The following PLCE1 variants were observed in gnomAD, a reference collection of about 807,000 sequenced individuals.
The protein encoded by PLCE1 is phospholipase C epsilon 1, also known as 1-phosphatidylinositol 4,5-bisphosphate phosphodiesterase epsilon-1.
Under a neutral mutation model 242.8 loss-of-function variants are expected in PLCE1, and 119 were observed. The observed-to-expected ratio is 0.49, with a 90% CI of 0.42 to 0.57. The LOEUF is 0.57. Ranked by LOEUF, PLCE1 falls within the 20% of genes least tolerant of loss-of-function variation. The pLI, the probability that PLCE1 is intolerant of heterozygous loss-of-function variation, is 0.00. For missense variants in PLCE1, 2,441 were observed against 2,788.8 expected, an observed-to-expected ratio of 0.88 and a Z score of 2.81; for synonymous variants, 945 against 1,017.4, an observed-to-expected ratio of 0.93 and a Z score of 1.35.
chr10:94,229,872 G>A (rs1312866186), intron 5 of PLCE1, among the ~76,000 whole-genome samples: 4 of 152,132 alleles, frequency 2.6e-5, no homozygotes, highest in Non-Finnish European at 5.9e-5. Flanking sequence ...ATAGATAGGC[G>A]AAAGTACCAC....
intron 4 of PLCE1, among the ~76,000 whole-genome samples, chr10:94,191,598 G>A (rs2048669344): frequency 6.6e-6 from 1 of 152,032 alleles, no homozygotes; most frequent in Non-Finnish European, 1.5e-5. Context: ...CTGAGTTCGT[G>A]CCACTGCATT....
intron 2 of PLCE1, among the ~76,000 whole-genome samples, chr10:94,093,464 C>A (rs1186007922): frequency 6.6e-6 from 1 of 152,114 alleles, no homozygotes; most frequent in Non-Finnish European, 1.5e-5. Context: ...GACTCAGTTG[C>A]AAGAAAGTAT....
chr10:94,270,935 A>T (rs3740362), intron 18 of PLCE1, among the ~76,000 whole-genome samples: 4 of 151,890 alleles, frequency 2.6e-5, no homozygotes, highest in Non-Finnish European at 4.4e-5. Context: ...CTCCCAAAGT[A>T]CTGGGATTAT....
Position 94,163,751 on chromosome 10 carries a change from G to T in PLCE1, c.1493-7429G>T, listed in dbSNP as rs894527631. Among the ~76,000 whole-genome samples the T allele has an allele frequency of 1.6e-4, 25 of 152,240 alleles. No homozygotes were observed. In the South Asian group the frequency reaches 5.2e-3, roughly 32 times the overall value. On this transcript the variant is annotated intron_variant, in intron 3 of 32. Coordinates refer to ENST00000371380, the MANE Select transcript of PLCE1 (RefSeq NM_016341.4). ...TACTTGATGCGGTTTCTTCCTAGCC[G>T]TGATGGTCTTTACAATTTGGCATGT...
At chr10:93,995,214 G>C (rs1181480016) in intron 1 of PLCE1, among the ~76,000 whole-genome samples, 1 of 152,178 alleles carries the variant, frequency 6.6e-6, no homozygotes, top group African/African-American at 2.4e-5. Flanking sequence ...ATTGAGGAGA[G>C]AGGTGGACTA....
At chr10:94,209,873 A>G (rs1589352278) in intron 4 of PLCE1, among the ~76,000 whole-genome samples, 1 of 152,186 alleles carries the variant, frequency 6.6e-6, no homozygotes, top group East Asian at 1.9e-4. Context: ...GCACTTTCAT[A>G]TTATGTCCTT....
intron 2 of PLCE1, among the ~76,000 whole-genome samples, chr10:94,073,831 CA>C (rs2044428145): frequency 3.3e-5 from 5 of 152,148 alleles, no homozygotes; most frequent in Admixed American, 3.3e-4. Flanking sequence ...GTGCTGCAAC[CA>C]AGGAGATGGG....
At chr10:94,091,349 G>A (rs1261946984) in intron 2 of PLCE1, among the ~76,000 whole-genome samples, 1 of 152,174 alleles carries the variant, frequency 6.6e-6, no homozygotes, top group Non-Finnish European at 1.5e-5. Context: ...TTAACACTCA[G>A]TTCTTCCCTC....
chr10:94,330,938 T>A lies in PLCE1; in HGVS notation c.*2995T>A, dbSNP rs2054150377. 6.6e-6 allele frequency: 1 copy of A among 152,180 alleles called. No individual in the cohort carries two copies. 9.4% of individuals were successfully genotyped at this position (152,180 alleles called of 1,614,324 possible). ...TCATTAAAGTTGATGTGGACAAGAA[T>A]CTAAATATGCAAGTTGGGGTCATTA... On this transcript the variant is annotated 3_prime_UTR_variant, in exon 33 of 33. Transcript: ENST00000371380.
At chr10:94,087,804 A>T (rs112004552) in intron 2 of PLCE1, among the ~76,000 whole-genome samples, 1 of 152,222 alleles carries the variant, frequency 6.6e-6, no homozygotes, top group African/African-American at 2.4e-5. Flanking sequence ...TCATTGGTTC[A>T]TGACAGAACT....
chr10:94,214,823 T>A (rs2049462478), intron 4 of PLCE1, among the ~76,000 whole-genome samples: 2 of 152,202 alleles, frequency 1.3e-5, no homozygotes, highest in South Asian at 4.1e-4. Flanking sequence ...CAGCATGGTC[T>A]CCAAACATCG....
At position 94,321,985 on chromosome 10, in the gene PLCE1, G is replaced by C; in HGVS notation, c.6427G>C (p.Asp2143His). Residue 2143 changes from aspartate to histidine, a missense_variant, in exon 30 of 33, where the codon GAT (aspartate) becomes CAT (histidine). This residue lies in a region of PLCE1 where 310 missense variants were observed against 317.2 expected (regional missense o/e 0.98). Transcript: ENST00000371380. ...GGAGAGTTTCTTTGTCCAAGTGCATGATGTTTCTCCAGAGCAACCTCGAAC... is the reference window on the plus strand; with the variant it reads ...GGAGAGTTTCTTTGTCCAAGTGCATCATGTTTCTCCAGAGCAACCTCGAAC... ...EEESFFVQVH[D>H]VSPEQPRTVI... 6.2e-7 allele frequency: 1 copy of C among 1,614,002 alleles called. No individual in the cohort carries two copies. The highest frequency in any genetic ancestry group is 8.5e-7 in the Non-Finnish European group (1 of 1,179,874).
intron 29 of PLCE1, among the ~76,000 whole-genome samples, chr10:94,317,250 G>C (rs1231084321): frequency 6.6e-6 from 1 of 151,420 alleles, no homozygotes; most frequent in Non-Finnish European, 1.5e-5. Context: ...ACAAGACTCT[G>C]TCTCAAAAAA....
chr10:94,322,261 G>GAGCT (rs2053838656), intron 30 of PLCE1, among the ~76,000 whole-genome samples: 1 of 152,064 alleles, frequency 6.6e-6, no homozygotes, highest in African/African-American at 2.4e-5. Flanking sequence ...AGCTGAGGCA[G>GAGCT]GAGGATTACT....
intron 1 of PLCE1, among the ~76,000 whole-genome samples, chr10:94,011,143 A>G (rs946134762): frequency 6.6e-6 from 1 of 152,140 alleles, no homozygotes; most frequent in Non-Finnish European, 1.5e-5. Flanking sequence ...CTGTATGAGT[A>G]TGGCACTGGC....
chr10:94,175,006 C>T (rs2048087597), intron 4 of PLCE1, among the ~76,000 whole-genome samples: 1 of 152,218 alleles, frequency 6.6e-6, no homozygotes, highest in East Asian at 1.9e-4. Context: ...CAAGAACTCT[C>T]TGTACTGTCT....
chr10:94,111,616 CT>C (rs1416725147), intron 2 of PLCE1, among the ~76,000 whole-genome samples: 1 of 152,130 alleles, frequency 6.6e-6, no homozygotes, highest in Admixed American at 6.5e-5. Context: ...AGTAGTGATA[CT>C]TACTGTGAAG....
At chr10:94,063,153 G>A (rs1390121912) in intron 2 of PLCE1, among the ~76,000 whole-genome samples, 1 of 152,132 alleles carries the variant, frequency 6.6e-6, no homozygotes, top group Non-Finnish European at 1.5e-5. Context: ...CGCAAGCTCT[G>A]TGTACTTCTG....
intron 2 of PLCE1, among the ~76,000 whole-genome samples, chr10:94,116,745 C>T (rs77999660): frequency 0.025 from 3,878 of 152,116 alleles, 172 homozygotes; most frequent in African/African-American, 0.089. Flanking sequence ...CATAAAAAAG[C>T]TGATGATGAA....
Sources: gnomAD v4.1 joint callset for allele counts (sites outside exome capture counted in the v4.1 genomes callset) on GRCh38, gnomAD v4.1.1 for gene constraint, gnomAD v4.1.1 regional missense constraint, MANE v1.5 for transcripts, NCBI Gene and HGNC (gene_info 2026-07-23, HGNC 2026-07-21) for gene names.